Variants in RAVER2 observed in about 807,000 individuals in gnomAD.
RAVER2 encodes the protein ribonucleoprotein, PTB binding 2, also known as ribonucleoprotein PTB-binding 2.
In RAVER2, 46 loss-of-function variants were observed where a neutral mutation model predicts 78.1. The ratio of observed to expected loss-of-function variants is 0.59; its 90% confidence interval spans 0.46 to 0.75. RAVER2 has a LOEUF of 0.75. RAVER2 is among the 30% of genes least tolerant of loss of function. The pLI is 0.00. For synonymous variants in RAVER2, 311 were observed against 313.3 expected, an observed-to-expected ratio of 0.99 and a Z score of 0.08; for missense variants, 793 against 837.5, an observed-to-expected ratio of 0.95 and a Z score of 0.66.
chr1:64,829,566 G>A (rs1254124072), intron 11 of RAVER2, among the ~76,000 whole-genome samples: 2 of 152,206 alleles, frequency 1.3e-5, no homozygotes, highest in Non-Finnish European at 2.9e-5. Context: ...TGAGCAAGCT[G>A]TTTGGTGCAG....
chr1:64,778,991 T>C (rs1356854793), intron 3 of RAVER2, among the ~76,000 whole-genome samples: 1 of 147,934 alleles, frequency 6.8e-6, no homozygotes, highest in Non-Finnish European at 1.5e-5. Context: ...ATTAAATATA[T>C]ATTAAAATAT....
intron 4 of RAVER2, among the ~76,000 whole-genome samples, chr1:64,783,192 T>C (rs911853765): frequency 2.6e-5 from 4 of 152,168 alleles, no homozygotes; most frequent in African/African-American, 7.2e-5. Context: ...AATAAATATA[T>C]GTGTGCATGT....
intron 5 of RAVER2, among the ~76,000 whole-genome samples, chr1:64,802,573 G>A (rs1038927825): frequency 1.3e-5 from 2 of 152,080 alleles, no homozygotes; most frequent in African/African-American, 2.4e-5. Flanking sequence ...TTTTATGTAA[G>A]CTTTTCAAGG....
intron 1 of RAVER2, among the ~76,000 whole-genome samples, chr1:64,761,678 C>A (rs1182704803): frequency 6.6e-6 from 1 of 151,952 alleles, no homozygotes; most frequent in Non-Finnish European, 1.5e-5. Context: ...CTATTCAAGA[C>A]TGTATTGGAA....
At chr1:64,751,997 C>G (rs896177165) in intron 1 of RAVER2, among the ~76,000 whole-genome samples, 1 of 152,086 alleles carries the variant, frequency 6.6e-6, no homozygotes, top group African/African-American at 2.4e-5. Context: ...AGTGAGAAGT[C>G]GGAAGATCAG....
intron 1 of RAVER2, among the ~76,000 whole-genome samples, chr1:64,758,436 AG>A (rs1017065632): frequency 2.0e-5 from 3 of 152,200 alleles, no homozygotes; most frequent in African/African-American, 7.2e-5. Flanking sequence ...GCCCTTTAAA[AG>A]CAGAGCATTT....
At chr1:64,813,750 T>C (rs1306167493) in intron 10 of RAVER2, among the ~76,000 whole-genome samples, 2 of 151,956 alleles carry the variant, frequency 1.3e-5, no homozygotes, top group African/African-American at 4.8e-5. Context: ...ATTGATCTGG[T>C]CTAAAAATTG....
intron 5 of RAVER2, among the ~76,000 whole-genome samples, chr1:64,800,732 T>C (rs942332825): frequency 1.5e-4 from 23 of 152,248 alleles, no homozygotes; most frequent in African/African-American, 5.5e-4. Context: ...TATCATAACT[T>C]TCCTAAAATT....
At chr1:64,789,041 T>C (rs1246396757) in intron 4 of RAVER2, among the ~76,000 whole-genome samples, 1 of 152,120 alleles carries the variant, frequency 6.6e-6, no homozygotes, top group Non-Finnish European at 1.5e-5. Context: ...ATAAGAAGGC[T>C]CTTCTGTAGT....
intron 11 of RAVER2, among the ~76,000 whole-genome samples, chr1:64,818,229 A>G (rs377687566): frequency 2.9e-4 from 44 of 152,296 alleles, no homozygotes; most frequent in African/African-American, 9.9e-4. Flanking sequence ...ATCTCCCTAC[A>G]GATAACCATT....
chr1:64,782,639 A>G (rs1652662455), intron 4 of RAVER2, among the ~76,000 whole-genome samples: 1 of 152,198 alleles, frequency 6.6e-6, no homozygotes. Flanking sequence ...TGGCAACCCC[A>G]AAGAGGGAAA....
chr1:64,750,440 T>A (rs1160763342), intron 1 of RAVER2, among the ~76,000 whole-genome samples: 1 of 152,076 alleles, frequency 6.6e-6, no homozygotes, highest in Admixed American at 6.6e-5. Context: ...ATCTGAGAAG[T>A]TGGGACCATA....
intron 11 of RAVER2, among the ~76,000 whole-genome samples, chr1:64,826,548 G>C (rs1460259592): frequency 6.6e-6 from 1 of 152,176 alleles, no homozygotes. Flanking sequence ...TGGAGAATAG[G>C]AGATGATGTC....
chr1:64,818,000 C>T (rs1653794503), intron 11 of RAVER2, among the ~76,000 whole-genome samples: 1 of 152,052 alleles, frequency 6.6e-6, no homozygotes. Context: ...TAAGTGATTT[C>T]TTGATTTCAA....
At chr1:64,772,696 G>A (rs1226758363) in intron 2 of RAVER2, among the ~76,000 whole-genome samples, 1 of 152,194 alleles carries the variant, frequency 6.6e-6, no homozygotes, top group African/African-American at 2.4e-5. Context: ...AAGGTATGGG[G>A]AGTGATCTTA....
chr1:64,754,521 A>G (rs143011287), intron 1 of RAVER2, among the ~76,000 whole-genome samples: 3 of 152,264 alleles, frequency 2.0e-5, no homozygotes, highest in Non-Finnish European at 2.9e-5. Context: ...AAATTTTGCA[A>G]TGTACCACTC....
At chr1:64,756,537 T>C (rs1185300559) in intron 1 of RAVER2, among the ~76,000 whole-genome samples, 1 of 152,016 alleles carries the variant, frequency 6.6e-6, no homozygotes, top group African/African-American at 2.4e-5. Context: ...TATTTTGGGG[T>C]GATTTTAGAT....
At chr1:64,806,682 G>A (rs1416925109) in intron 8 of RAVER2, among the ~76,000 whole-genome samples, 1 of 152,200 alleles carries the variant, frequency 6.6e-6, no homozygotes, top group African/African-American at 2.4e-5. Context: ...TAACTTGATA[G>A]CTGGGAAGAG....
At chr1:64,765,995 G>T (rs1194410069) in intron 1 of RAVER2, among the ~76,000 whole-genome samples, 1 of 152,144 alleles carries the variant, frequency 6.6e-6, no homozygotes, top group Non-Finnish European at 1.5e-5. Flanking sequence ...TGGAACAATG[G>T]TTAACTTTTT....
Sources: gnomAD v4.1 joint callset for allele counts (sites outside exome capture counted in the v4.1 genomes callset) on GRCh38, gnomAD v4.1.1 for gene constraint, MANE v1.5 for transcripts, NCBI Gene and HGNC (gene_info 2026-07-23, HGNC 2026-07-21) for gene names.